The following TMEM39A variants were observed in gnomAD, a reference collection of about 807,000 sequenced individuals.
TMEM39A encodes suppressor of SQST-1 aggregates in rpl-43 mutants.
TMEM39A carries 19 observed loss-of-function variants against 51.9 expected under a neutral mutation model. The ratio of observed to expected loss-of-function variants is 0.37; its 90% CI spans 0.26 to 0.54. The LOEUF (loss-of-function observed/expected upper bound fraction) is 0.54. Ranked by LOEUF, TMEM39A falls within the 20% of genes least tolerant of loss-of-function variation. The probability of loss-of-function intolerance (pLI) is 0.88; values close to 1 mark genes in which losing one functional copy is unlikely to be tolerated. For synonymous variants in TMEM39A, 197 were observed against 220.2 expected (o/e 0.89, Z 0.93); for missense variants, 433 against 590.5 (o/e 0.73, Z 2.76).
rs1220265026 is a variant in TMEM39A, at chr3:119,429,128, C to G, written c.*2853G>C. ...AACTCGAACATCACTATCTCCGGCA[C>G]CCAGCAGTGTTTGGCATATAATTGC... On this transcript the variant is annotated 3_prime_UTR_variant, in exon 9 of 9. Transcript: ENST00000319172. 6.6e-6 allele frequency among the ~76,000 whole-genome samples: 1 copy of G among 151,926 alleles called. No individual in the cohort carries two copies. Among genetic ancestry groups the G allele is most frequent in the African/African-American group, 2.4e-5 (1 of 41,352 alleles).
chr3:119,436,009 T>C (rs1662956948), intron 7 of TMEM39A: 3 of 1,109,038 alleles, frequency 2.7e-6, no homozygotes, highest in South Asian at 1.3e-5. Context: ...GTCACCTCAA[T>C]CTGTCCCACT....
chr3:119,463,428 G>A lies in TMEM39A; in HGVS notation c.-167C>T, dbSNP rs1030923213. ...CCAGGTAAGGGAACTCCCTCCCAGC[G>A]TTGGAACGCTGCAAACCAGCTGCTT... On this transcript the variant is annotated 5_prime_UTR_variant, in exon 1 of 9. In the 5' UTR this introduces an upstream ATG that the reference lacks. Transcript: ENST00000319172. 3.3e-5 allele frequency: 13 copies of A among 395,178 alleles called. No homozygotes were observed. The highest frequency in any genetic ancestry group is 7.2e-5 in the East Asian group (2 of 27,922). The allele number at this position is 395,178 out of a possible 1,614,324, so 24.5% of individuals were successfully genotyped here. A position where few individuals can be genotyped will look rare whatever the true frequency, so the allele number is the denominator to read the frequency against.
At position 119,429,982 on chromosome 3, in the gene TMEM39A, A is replaced by C. The variant is rs1003109222; in HGVS notation, c.*1999T>G. 6.6e-6 allele frequency: 1 copy of C among 151,998 alleles called. No individual in the cohort carries two copies. The highest frequency in any genetic ancestry group is 1.5e-5 in the Non-Finnish European group (1 of 67,978). The allele number at this position is 151,998 out of a possible 1,614,324, so 9.4% of individuals were successfully genotyped here. Reference sequence around the variant, plus strand: ...GCCAAGTTGGGGCAATTTTGATGAGATATCTCTGTGCCCATGCCACCCATT... The same window carrying C: ...GCCAAGTTGGGGCAATTTTGATGAGCTATCTCTGTGCCCATGCCACCCATT... On this transcript the variant is annotated 3_prime_UTR_variant, in exon 9 of 9. Coordinates refer to ENST00000319172, the MANE Select transcript of TMEM39A (RefSeq NM_018266.3).
chr3:119,432,679 A>G (rs1395098577), intron 8 of TMEM39A, among the ~76,000 whole-genome samples: 1 of 152,116 alleles, frequency 6.6e-6, no homozygotes, highest in Non-Finnish European at 1.5e-5. Context: ...TTGGCTTGTA[A>G]ACTAAGACAT....
intron 3 of TMEM39A, among the ~76,000 whole-genome samples, chr3:119,453,789 G>A (rs1364146850): frequency 6.6e-6 from 1 of 152,138 alleles, no homozygotes; most frequent in Non-Finnish European, 1.5e-5. Flanking sequence ...ACCCTGTTAT[G>A]GCAGCTAAAC....
intron 3 of TMEM39A, among the ~76,000 whole-genome samples, chr3:119,454,616 CCT>C (rs2081241644): frequency 6.6e-6 from 1 of 152,078 alleles, no homozygotes; most frequent in Non-Finnish European, 1.5e-5. Context: ...GTGGTGAAAC[CCT>C]GTCTCTACTA....
At chr3:119,449,031 G>A (rs2107677841) in intron 4 of TMEM39A, among the ~76,000 whole-genome samples, 1 of 152,230 alleles carries the variant, frequency 6.6e-6, no homozygotes, top group African/African-American at 2.4e-5. Context: ...GGAAGAGTAG[G>A]CTGCTATGGA....
chr3:119,462,645 G>GGGGGGGGGGGGGGGGGT (rs2081354498), intron 1 of TMEM39A, among the ~76,000 whole-genome samples: 1 of 54,872 alleles, frequency 1.8e-5, no homozygotes, highest in Non-Finnish European at 4.0e-5. Flanking sequence ...GGGGGGGGGC[G>GGGGGGGGGGGGGGGGGT]GGGGGGGGGA....
chr3:119,435,850 T>G, intron 7 of TMEM39A: 3 of 1,289,340 alleles, frequency 2.3e-6, no homozygotes, highest in Non-Finnish European at 3.0e-6. Flanking sequence ...CAATTTTTAT[T>G]GAAATCTGTC....
At chr3:119,443,768 T>C (rs1056789773) in intron 5 of TMEM39A, among the ~76,000 whole-genome samples, 2 of 151,788 alleles carry the variant, frequency 1.3e-5, no homozygotes, top group Admixed American at 6.6e-5. Context: ...AATTTAAAAA[T>C]TAGCCAGGCA....
At chr3:119,435,086 A>G in intron 7 of TMEM39A, 2 of 979,998 alleles carry the variant, frequency 2.0e-6, no homozygotes, top group African/African-American at 3.5e-5. Context: ...TATAGTAAAC[A>G]GAGGTTGCAA....
At chr3:119,438,222 C>T (rs1279031698) in intron 5 of TMEM39A, 119 bp from the exon 6 acceptor site, 16 of 693,104 alleles carry the variant, frequency 2.3e-5, no homozygotes, top group African/African-American at 3.6e-5. Flanking sequence ...CAGGAGTAAA[C>T]ATAACTCAAG....
chr3:119,442,654 C>T (rs1465185566), intron 5 of TMEM39A, among the ~76,000 whole-genome samples: 1 of 152,142 alleles, frequency 6.6e-6, no homozygotes, highest in Non-Finnish European at 1.5e-5. Flanking sequence ...TCAACACGAG[C>T]AAATGTGGAG....
chr3:119,432,155 G>T lies in TMEM39A; in HGVS notation c.1293C>A (p.Val431=). The part of the protein sequence containing the change: ...LNLLILIEGS[V]VFYQLYSLLR... ...GCAAGGAATAGAGCTGATAGAAGAC[G>T]ACACTGCCCTCAATAAGGATGAGCA... Residue 431 remains valine (V), a synonymous_variant, in exon 9 of 9, where the codon GTC becomes GTA. Transcript: ENST00000319172. 1.2e-6 allele frequency: 2 copies of T among 1,613,182 alleles called. No individual in the cohort carries two copies. Among genetic ancestry groups the T allele is most frequent in the South Asian group, 2.2e-5 (2 of 91,048 alleles).
rs754808871 is a variant in TMEM39A at position 119,431,316 on chromosome 3, G to C, written c.*665C>G. ...GCAAAGTATTATTTCAAACAACTAA[G>C]AGGAAAATCTTTGGAAGCAGAAGTG... On this transcript the variant is annotated 3_prime_UTR_variant, in exon 9 of 9. Coordinates refer to ENST00000319172, the MANE Select transcript of TMEM39A (RefSeq NM_018266.3). The C allele has an allele frequency of 2.0e-5, 3 of 152,140 alleles. No individual in the cohort carries two copies. The highest frequency in any genetic ancestry group is 4.4e-5 in the Non-Finnish European group (3 of 68,030). The allele number at this position is 152,140 out of a possible 1,614,324, so 9.4% of individuals were successfully genotyped here. A position where few individuals can be genotyped will look rare whatever the true frequency, so the allele number is the denominator to read the frequency against.
At chr3:119,435,409 G>A (rs2080954874) in intron 7 of TMEM39A, 5 of 984,458 alleles carry the variant, frequency 5.1e-6, no homozygotes, top group Non-Finnish European at 6.0e-6. Flanking sequence ...AAGATATACA[G>A]TAGAACACAG....
chr3:119,455,811 C>T (rs1454655298), intron 3 of TMEM39A, among the ~76,000 whole-genome samples: 1 of 152,110 alleles, frequency 6.6e-6, no homozygotes, highest in African/African-American at 2.4e-5. Context: ...GAGAAGTTTC[C>T]AGGGAAATGT....
At chr3:119,454,400 C>A (rs77902486) in intron 3 of TMEM39A, among the ~76,000 whole-genome samples, 1 of 152,186 alleles carries the variant, frequency 6.6e-6, no homozygotes, top group Admixed American at 6.5e-5. Flanking sequence ...TCCTTGCCTA[C>A]CCTACTCCTC....
In TMEM39A at chr3:119,431,730, C is replaced by G. The variant is rs775067442; in HGVS notation, c.*251G>C. The G allele has an allele frequency of 7.9e-5, 23 of 292,558 alleles. No homozygotes were observed. Among genetic ancestry groups the G allele is most frequent in the Non-Finnish European group, 1.5e-4 (23 of 157,846 alleles). 18.1% of individuals were successfully genotyped at this position (292,558 alleles called of 1,614,324 possible). On this transcript the variant is annotated 3_prime_UTR_variant, in exon 9 of 9. Transcript: ENST00000319172. ...ATAAACGAATGAGTTATTCCAGAGC[C>G]ATACAAACAAATCAATCTCTTTACT...
Sources: gnomAD v4.1 joint callset for allele counts (sites outside exome capture counted in the v4.1 genomes callset) on GRCh38, gnomAD v4.1.1 for gene constraint, MANE v1.5 for transcripts, NCBI Gene and HGNC (gene_info 2026-07-23, HGNC 2026-07-21) for gene names.